ADGRL3: variants seen among roughly 807,000 people sequenced by gnomAD.
ADGRL3 encodes adhesion G protein-coupled receptor L3.
In ADGRL3, 62 loss-of-function variants were observed where a neutral mutation model predicts 153.5. The ratio of observed to expected loss-of-function variants is 0.40; its 90% CI spans 0.33 to 0.50. The LOEUF (loss-of-function observed/expected upper bound fraction) is 0.50. Ranked by LOEUF, ADGRL3 falls within the 20% of genes least tolerant of loss-of-function variation. The pLI is 0.47. For synonymous variants in ADGRL3, 710 were observed against 672.5 expected, an observed-to-expected ratio of 1.06 and a Z score of -0.86; for missense variants, 1,641 against 1,859.4, an observed-to-expected ratio of 0.88 and a Z score of 2.16.
At chr4:61,961,556 T>C (rs1479707598) in intron 17 of ADGRL3, among the ~76,000 whole-genome samples, 2 of 152,178 alleles carry the variant, frequency 1.3e-5, no homozygotes, top group Non-Finnish European at 2.9e-5. Context: ...AAGCCTCTTT[T>C]ATTTCATTTC....
At chr4:62,035,385 C>T (rs1281276351) in intron 23 of ADGRL3, among the ~76,000 whole-genome samples, 1 of 151,894 alleles carries the variant, frequency 6.6e-6, no homozygotes, top group African/African-American at 2.4e-5. Context: ...GCCTTTATTC[C>T]TCATTTTACT....
chr4:61,764,561 G>A (rs1341775954), intron 8 of ADGRL3, among the ~76,000 whole-genome samples: 1 of 151,832 alleles, frequency 6.6e-6, no homozygotes, highest in Admixed American at 6.6e-5. Context: ...CACTTCTTTT[G>A]TGGTGGAATG....
intron 1 of ADGRL3, among the ~76,000 whole-genome samples, chr4:61,266,995 A>G (rs547638978): frequency 6.6e-5 from 10 of 151,882 alleles, no homozygotes; most frequent in African/African-American, 2.4e-4. Flanking sequence ...TAGTCTTAGT[A>G]TTAGACTTTG....
intron 2 of ADGRL3, among the ~76,000 whole-genome samples, chr4:61,435,874 A>C (rs933593081): frequency 5.3e-5 from 8 of 152,102 alleles, no homozygotes; most frequent in Non-Finnish European, 1.2e-4. Flanking sequence ...GTTAATCTGC[A>C]TTGTCTCAGT....
chr4:61,906,580 G>T (rs2098696758), intron 11 of ADGRL3, among the ~76,000 whole-genome samples: 2 of 152,046 alleles, frequency 1.3e-5, no homozygotes, highest in African/African-American at 4.8e-5. Flanking sequence ...GAGTTACACA[G>T]TCTTCACATG....
In ADGRL3 at chr4:62,031,843, A is replaced by T. The variant is rs1722219622; in HGVS notation, c.3591+233A>T. On this transcript the variant is annotated intron_variant, in intron 23 of 26. Transcript: ENST00000683033. ...TTTCTGATTTAAACAGTGAACAAAA[A>T]TTATTTTCTTATAGATTTGACTTTA... Among the ~76,000 whole-genome samples, 4 of 151,552 alleles carry T rather than the reference A, an allele frequency of 2.6e-5. No homozygotes were observed. In the South Asian group the frequency reaches 6.2e-4, roughly 24 times the overall value.
At chr4:61,711,487 T>C (rs911400393) in intron 6 of ADGRL3, among the ~76,000 whole-genome samples, 1,331 of 107,482 alleles carry the variant, frequency 0.012, 139 homozygotes, top group African/African-American at 0.044. Flanking sequence ...TATATATATA[T>C]ATATACACAC....
chr4:61,968,228 C>A (rs1350644512), intron 17 of ADGRL3, among the ~76,000 whole-genome samples: 2 of 152,054 alleles, frequency 1.3e-5, no homozygotes, highest in African/African-American at 4.8e-5. Context: ...ACTTGACTGC[C>A]CTTTTCTGGT....
intron 23 of ADGRL3, among the ~76,000 whole-genome samples, chr4:62,034,242 A>G (rs1377197264): frequency 6.6e-6 from 1 of 151,886 alleles, no homozygotes; most frequent in African/African-American, 2.4e-5. Flanking sequence ...AGGAATGGTT[A>G]CTACATTTTC....
chr4:62,062,054 G>A (rs566551574), intron 25 of ADGRL3, among the ~76,000 whole-genome samples: 20 of 152,092 alleles, frequency 1.3e-4, no homozygotes, highest in Admixed American at 3.9e-4. Context: ...TTTCCAGAGC[G>A]GCTGTGCTAT....
intron 8 of ADGRL3, among the ~76,000 whole-genome samples, chr4:61,753,280 G>A (rs77157817): frequency 0.087 from 13,097 of 151,128 alleles, 1,194 homozygotes; most frequent in African/African-American, 0.23. Context: ...AGAACAAACT[G>A]TAAATTCTGT....
At chr4:61,222,509 TC>T (rs1485723670) in intron 1 of ADGRL3, among the ~76,000 whole-genome samples, 8 of 152,244 alleles carry the variant, frequency 5.3e-5, no homozygotes, top group South Asian at 2.1e-4. Context: ...TATACTGACT[TC>T]CTAGAAAATG....
chr4:61,385,859 C>T (rs9684550), intron 2 of ADGRL3: 119,840 of 152,068 alleles, frequency 0.79, 47,518 homozygotes, highest in Middle Eastern at 0.88. Flanking sequence ...TATGTATATG[C>T]ATATGTATAG....
intron 17 of ADGRL3, among the ~76,000 whole-genome samples, chr4:61,959,336 A>C (rs898828767): frequency 1.1e-4 from 16 of 152,184 alleles, no homozygotes; most frequent in African/African-American, 3.9e-4. Context: ...TCAAATTATA[A>C]TTCTTTGGAG....
At chr4:61,525,883 G>A (rs2152935275) in intron 4 of ADGRL3, among the ~76,000 whole-genome samples, 1 of 152,230 alleles carries the variant, frequency 6.6e-6, no homozygotes, top group Admixed American at 6.5e-5. Flanking sequence ...AGGTGCAAAT[G>A]TGAAGCAGAT....
At chr4:61,823,302 A>G (rs2097772168) in intron 9 of ADGRL3, among the ~76,000 whole-genome samples, 4 of 152,194 alleles carry the variant, frequency 2.6e-5, no homozygotes, top group South Asian at 2.1e-4. Flanking sequence ...ACAAGTTTTG[A>G]CAGAGGTATT....
Position 62,077,079 on chromosome 4 carries a change from A to G in ADGRL3, c.*6171A>G, listed in dbSNP as rs1026197184. ...TTATAGTCAATTCATAAAATTCTAC[A>G]TACAGTTGTACATGGTGGGTTATCA... On this transcript the variant is annotated 3_prime_UTR_variant, in exon 27 of 27. Coordinates refer to ENST00000683033, the MANE Select transcript of ADGRL3 (RefSeq NM_001387552.1). 1 of 151,958 alleles carries G rather than the reference A, an allele frequency of 6.6e-6. No individual in the cohort carries two copies. Among genetic ancestry groups the G allele is most frequent in the African/African-American group, 2.4e-5 (1 of 41,418 alleles). 9.4% of individuals were successfully genotyped at this position (151,958 alleles called of 1,614,324 possible).
chr4:61,338,692 G>T (rs2095739867), intron 1 of ADGRL3, among the ~76,000 whole-genome samples: 1 of 152,016 alleles, frequency 6.6e-6, no homozygotes, highest in Admixed American at 6.5e-5. Flanking sequence ...TTCATTTTAT[G>T]TACATATGTG....
intron 9 of ADGRL3, among the ~76,000 whole-genome samples, chr4:61,886,813 T>C (rs1234935430): frequency 6.6e-6 from 1 of 151,654 alleles, no homozygotes; most frequent in Non-Finnish European, 1.5e-5. Flanking sequence ...GGCTAATTTT[T>C]TTTTTTGTAT....
Sources: gnomAD v4.1 joint callset for allele counts (sites outside exome capture counted in the v4.1 genomes callset) on GRCh38, gnomAD v4.1.1 for gene constraint, MANE v1.5 for transcripts, NCBI Gene and HGNC (gene_info 2026-07-23, HGNC 2026-07-21) for gene names.